Variants in E2F1 observed in about 807,000 individuals in gnomAD.
E2F1 encodes E2F transcription factor 1.
In E2F1, 7 loss-of-function variants were observed where a neutral mutation model predicts 36.9. The ratio of observed to expected loss-of-function variants is 0.19; its 90% CI spans 0.11 to 0.36. E2F1 has a LOEUF of 0.36. Among genes scored for constraint, E2F1 ranks in the 10% least tolerant of loss-of-function variants. The probability of loss-of-function intolerance (pLI) is 1.00; values close to 1 mark genes in which losing one functional copy is unlikely to be tolerated. For missense variants in E2F1, 406 were observed against 573.6 expected (o/e 0.71, Z 2.99); for synonymous variants, 261 against 263.1 (o/e 0.99, Z 0.08).
In E2F1 at chr20:33,679,678, C is replaced by T; in HGVS notation, c.572+77G>A. 1.5e-6 allele frequency: 2 copies of T among 1,374,460 alleles called. No individual in the cohort carries two copies. Among genetic ancestry groups the T allele is most frequent in the East Asian group, 2.3e-5 (1 of 43,524 alleles). 85.1% of individuals were successfully genotyped at this position (1,374,460 alleles called of 1,614,324 possible). A position where few individuals can be genotyped will look rare whatever the true frequency, so the allele number is the denominator to read the frequency against. Reference sequence around the variant, plus strand: ...GCTATAAGATGGGGATGCAGGCAGCCACAGTGGGTATTACTACCAGCTCCT... The same window carrying T: ...GCTATAAGATGGGGATGCAGGCAGCTACAGTGGGTATTACTACCAGCTCCT... On this transcript the variant is annotated intron_variant, in intron 3 of 6. Coordinates refer to ENST00000343380, the MANE Select transcript of E2F1 (RefSeq NM_005225.3). The surrounding 1 kb of genome is among the most constrained non-coding windows in gnomAD (Gnocchi z 4.6).
At chr20:33,682,494 C>G (rs1342951835) in intron 1 of E2F1, among the ~76,000 whole-genome samples, 1 of 152,212 alleles carries the variant, frequency 6.6e-6, no homozygotes, top group East Asian at 1.9e-4. Flanking sequence ...AGAACCCAGC[C>G]AGAATGTATC....
chr20:33,678,145 T>G, intron 4 of E2F1, 56 bp downstream of exon 4: 1 of 1,559,176 alleles, frequency 6.4e-7, no homozygotes, highest in Non-Finnish European at 8.7e-7. Flanking sequence ...CCCACTTGGG[T>G]GGAGCCCCTG....
Position 33,679,641 on chromosome 20 carries a change from C to T in E2F1, c.572+114G>A. 1.1e-6 allele frequency: 1 copy of T among 949,450 alleles called. No individual in the cohort carries two copies. The highest frequency in any genetic ancestry group is 1.4e-5 in the South Asian group (1 of 72,250). 58.8% of individuals were successfully genotyped at this position (949,450 alleles called of 1,614,324 possible). On this transcript the variant is annotated intron_variant, in intron 3 of 6. Coordinates refer to ENST00000343380, the MANE Select transcript of E2F1 (RefSeq NM_005225.3). This position sits in a 1 kb window ranked among gnomAD's most constrained non-coding sequence, Gnocchi z 4.6. ...AGGGAAGCTACCTCTCCTCTCTGAG[C>T]CCGTTTCCCCAGCTATAAGATGGGG...
intron 1 of E2F1, among the ~76,000 whole-genome samples, chr20:33,682,018 C>T (rs2018022901): frequency 7.1e-6 from 1 of 140,378 alleles, no homozygotes; most frequent in Non-Finnish European, 1.6e-5. Context: ...GCTCCCTCTA[C>T]CTCTGTGGGC....
At position 33,676,746 on chromosome 20, in the gene E2F1, G is replaced by A; in HGVS notation, c.1300C>T (p.Pro434Ser). Residue 434 changes from proline (P) to serine (S), a missense_variant, in exon 7 of 7, where the codon CCC becomes TCC. This residue lies in a region of E2F1 where 163 missense variants were observed against 181.5 expected (regional missense o/e 0.90). Transcript: ENST00000343380. ...TCCAAGCCCTGTCAGAAATCCAGGG[G>A]GGTGAGGTCCCCAAAGTCACAGTCG... ...LFDCDFGDLT[P>S]LDF is the part of the protein sequence containing the mutation. 1 of 1,609,220 alleles carries A rather than the reference G, an allele frequency of 6.2e-7. No homozygotes were observed. Among genetic ancestry groups the A allele is most frequent in the African/African-American group, 1.3e-5 (1 of 74,954 alleles).
rs909074309 is a variant in E2F1, at chr20:33,679,615, C to T, written c.572+140G>A. 70 of 732,682 alleles carry T rather than the reference C, an allele frequency of 9.6e-5. No individual in the cohort carries two copies. The highest frequency in any genetic ancestry group is 1.6e-4 in the Non-Finnish European group (67 of 418,474). The allele number at this position is 732,682 out of a possible 1,614,324, so 45.4% of individuals were successfully genotyped here. A position where few individuals can be genotyped will look rare whatever the true frequency, so the allele number is the denominator to read the frequency against. ...GTGTGCTTTTTACCATCTATCATCT[C>T]AGGGAAGCTACCTCTCCTCTCTGAG... On this transcript the variant is annotated intron_variant, in intron 3 of 6. Coordinates refer to ENST00000343380, the MANE Select transcript of E2F1 (RefSeq NM_005225.3). The surrounding 1 kb of genome is among the most constrained non-coding windows in gnomAD (Gnocchi z 4.6).
At chr20:33,681,454 C>T (rs2018016611) in intron 1 of E2F1, among the ~76,000 whole-genome samples, 1 of 152,154 alleles carries the variant, frequency 6.6e-6, no homozygotes, top group Non-Finnish European at 1.5e-5. Context: ...TTAGTTCATT[C>T]CATTCAACGG....
chr20:33,680,372 G>C lies in E2F1; in HGVS notation c.306C>G (p.Ala102=). The change falls in exon 2 of 7, where the codon GCC becomes GCG. Residue 102 remains alanine, a synonymous_variant. Coordinates refer to ENST00000343380, the MANE Select transcript of E2F1 (RefSeq NM_005225.3). The part of the protein sequence containing the change: ...LDLETDHQYL[A]ESSGPARGRG... ...TGCCCCGAGCTGGCCCACTGCTCTC[G>C]GCCAGGTACTGATGGTCAGTTTCCA... The C allele has an allele frequency of 6.2e-7, 1 of 1,614,138 alleles. No individual in the cohort carries two copies. Among genetic ancestry groups the C allele is most frequent in the African/African-American group, 1.3e-5 (1 of 75,046 alleles).
intron 1 of E2F1, among the ~76,000 whole-genome samples, chr20:33,683,277 C>G (rs2122550591): frequency 6.6e-6 from 1 of 152,088 alleles, no homozygotes; most frequent in South Asian, 2.1e-4. Flanking sequence ...ATGGTGAAAC[C>G]TCATCTCTAC....
Position 33,677,247 on chromosome 20 carries a change from A to G in E2F1, c.924T>C (p.Pro308=). ...CPEETVGGIS[P]GKTPSQEVTS... Reference sequence around the variant, plus strand: ...TGACCTCCTGGGATGGGGTCTTCCCAGGGCTGATCCCACCTACGGTCTCCT... The same window carrying G: ...TGACCTCCTGGGATGGGGTCTTCCCGGGGCTGATCCCACCTACGGTCTCCT... The change falls in exon 6 of 7, where the codon CCT becomes CCC. Residue 308 remains proline, a synonymous_variant. Transcript: ENST00000343380. The G allele has an allele frequency of 6.2e-7, 1 of 1,614,132 alleles. No individual in the cohort carries two copies. The highest frequency in any genetic ancestry group is 2.2e-5 in the East Asian group (1 of 44,872).
intron 6 of E2F1, 46 bp downstream of exon 6, chr20:33,677,059 C>A (rs747336438): frequency 7.0e-6 from 11 of 1,578,894 alleles, no homozygotes; most frequent in Middle Eastern, 1.8e-4. Context: ...GCCCACCCCC[C>A]AGAAGAGGGG....
At position 33,677,229 on chromosome 20, in the gene E2F1, C is replaced by G; in HGVS notation, c.942G>C (p.Gln314His). 1 of 1,614,132 alleles carries G rather than the reference C, an allele frequency of 6.2e-7. No individual in the cohort carries two copies. Among genetic ancestry groups the G allele is most frequent in the Non-Finnish European group, 8.5e-7 (1 of 1,179,982 alleles). ...GGISPGKTPS[Q>H]EVTSEEENRA... ...TGTTCTCCTCCTCAGAAGTGACCTC[C>G]TGGGATGGGGTCTTCCCAGGGCTGA... Residue 314 changes from glutamine (Q) to histidine (H), a missense_variant, in exon 6 of 7, where the codon CAG (glutamine) becomes CAC (histidine). By Grantham distance (24) the Gln-to-His change is conservative. Transcript: ENST00000343380.
intron 4 of E2F1, among the ~76,000 whole-genome samples, chr20:33,677,908 C>G (rs895500532): frequency 6.6e-6 from 1 of 152,208 alleles, no homozygotes; most frequent in African/African-American, 2.4e-5. Flanking sequence ...GATCCTCCCA[C>G]CTCAGCCTCT....
At chr20:33,685,929 C>A (rs146323235) in intron 1 of E2F1, 75 bp downstream of exon 1, 102,236 of 1,066,612 alleles carry the variant, frequency 0.096, 5,349 homozygotes, top group Non-Finnish European at 0.11. Flanking sequence ...GCCTCCAGGC[C>A]AAACACGGCG....
Position 33,677,347 on chromosome 20 carries a change from G to C in E2F1, c.841-17C>G. 6.2e-7 allele frequency: 1 copy of C among 1,612,064 alleles called. No homozygotes were observed. Among genetic ancestry groups the C allele is most frequent in the Non-Finnish European group, 8.5e-7 (1 of 1,178,610 alleles). On this transcript the variant is annotated splice_polypyrimidine_tract_variant and intron_variant, in intron 5 of 6. Coordinates refer to ENST00000343380, the MANE Select transcript of E2F1 (RefSeq NM_005225.3). The stretch of plus-strand genomic sequence containing the variant: ...CTGAAAGTTCTGGGTGGAAGCAGCA[G>C]GCAGGGTAAACTGAGGCCCAGGTGA...
At chr20:33,680,678 T>C (rs1372761572) in intron 1 of E2F1, among the ~76,000 whole-genome samples, 1 of 152,222 alleles carries the variant, frequency 6.6e-6, no homozygotes, top group Non-Finnish European at 1.5e-5. Context: ...CTTCAAAAGA[T>C]ATAGCCTAAT....
intron 1 of E2F1, among the ~76,000 whole-genome samples, chr20:33,685,683 A>G (rs765776408): frequency 6.6e-6 from 1 of 152,132 alleles, no homozygotes. Flanking sequence ...GCTGGCTTGA[A>G]GTCGCCCAAA....
chr20:33,680,432 G>A lies in E2F1; in HGVS notation c.262-16C>T, dbSNP rs774226088. On this transcript the variant is annotated splice_polypyrimidine_tract_variant and intron_variant, in intron 1 of 6. Coordinates refer to ENST00000343380, the MANE Select transcript of E2F1 (RefSeq NM_005225.3). The stretch of plus-strand genomic sequence containing the variant: ...TCCGCTTCACCTGTGGCGAAAACGG[G>A]AGGATGCCCAGTAACCAGGAGTGAG... 6.2e-7 allele frequency: 1 copy of A among 1,611,922 alleles called. No individual in the cohort carries two copies. Among genetic ancestry groups the A allele is most frequent in the East Asian group, 2.2e-5 (1 of 44,872 alleles).
At chr20:33,685,945 C>A in intron 1 of E2F1, 59 bp downstream of exon 1, 1 of 1,094,252 alleles carries the variant, frequency 9.1e-7, no homozygotes, top group Non-Finnish European at 1.1e-6. Flanking sequence ...CGGCGCCCTC[C>A]CGGGTCTGCG....
Sources: allele counts gnomAD v4.1 joint callset (sites outside exome capture counted in the v4.1 genomes callset), GRCh38; gene constraint gnomAD v4.1.1; regional missense constraint gnomAD v4.1.1; non-coding constraint Gnocchi (gnomAD v3.1); transcripts MANE v1.5; gene names NCBI Gene and HGNC (gene_info 2026-07-23, HGNC 2026-07-21).